Variants in ACYP2 observed in about 807,000 individuals in gnomAD.
The protein encoded by ACYP2 is acylphosphatase 2, also known as acylphosphatase-2.
A neutral mutation model predicts 11.2 loss-of-function variants in ACYP2; 12 were observed. The ratio of observed to expected loss-of-function variants is 1.08; its 90% confidence interval spans 0.69 to 1.74. ACYP2 has a LOEUF of 1.74. Ranked by LOEUF, ACYP2 falls within the 40% of genes most tolerant of loss-of-function variation. The probability of loss-of-function intolerance (pLI) is 0.00; values close to 1 mark genes in which losing one functional copy is unlikely to be tolerated. For missense variants in ACYP2, 134 were observed against 101.9 expected, an observed-to-expected ratio of 1.31 and a Z score of -1.35; for synonymous variants, 43 against 32.2, an observed-to-expected ratio of 1.33 and a Z score of -1.13.
intron 2 of ACYP2, among the ~76,000 whole-genome samples, chr2:54,033,640 C>T (rs1305467968): frequency 1.3e-5 from 2 of 152,088 alleles, no homozygotes; most frequent in African/African-American, 4.8e-5. Context: ...CAATCTGGAG[C>T]CCCTGAAAGC....
intron 2 of ACYP2, among the ~76,000 whole-genome samples, chr2:54,017,559 C>T (rs1216410072): frequency 1.3e-5 from 2 of 152,072 alleles, no homozygotes; most frequent in Non-Finnish European, 2.9e-5. Context: ...CTGGCCAGGC[C>T]ATTAAGTTTC....
intron 4 of ACYP2, among the ~76,000 whole-genome samples, chr2:54,113,122 T>A (rs555627651): frequency 6.6e-6 from 1 of 152,346 alleles, no homozygotes; most frequent in East Asian, 1.9e-4. Flanking sequence ...TTGTCCTGTA[T>A]GTTTTAAGTC....
intron 6 of ACYP2, among the ~76,000 whole-genome samples, chr2:54,175,596 C>T (rs1683425746): frequency 6.6e-6 from 1 of 151,962 alleles, no homozygotes; most frequent in African/African-American, 2.4e-5. Context: ...TTAGCTCTTG[C>T]TTCTCTAGTT....
At position 53,994,329 on chromosome 2, in the gene ACYP2, CAAAAAAAA is replaced by C. The variant is rs374302355; in HGVS notation, c.62+20535_62+20542del. Among the ~76,000 whole-genome samples, 16 of 42,870 alleles carry C rather than the reference CAAAAAAAA, an allele frequency of 3.7e-4. No homozygotes were observed. In the South Asian group the frequency reaches 0.014, roughly 38 times the overall value. 28.1% of individuals were successfully genotyped at this position (42,870 alleles called of 152,430 possible). ...TGGGTAACAGAGCAAGACTCCGTCT[CAAAAAAAA>C]AAAAAAAAAAAAAAACGAAAAAAAA... is the stretch of plus-strand genomic sequence containing the variant. On this transcript the variant is annotated intron_variant, in intron 2 of 6. Transcript: ENST00000607452.
chr2:53,986,548 G>A (rs1175338292), intron 2 of ACYP2, among the ~76,000 whole-genome samples: 1 of 151,772 alleles, frequency 6.6e-6, no homozygotes, highest in African/African-American at 2.4e-5. Flanking sequence ...TGTTGGCCAG[G>A]CTGGTCTGGA....
chr2:54,182,652 T>G (rs997284987), intron 6 of ACYP2, among the ~76,000 whole-genome samples: 1 of 152,194 alleles, frequency 6.6e-6, no homozygotes, highest in African/African-American at 2.4e-5. Context: ...ATAAAATCTG[T>G]GACCACCGTT....
intron 4 of ACYP2, among the ~76,000 whole-genome samples, chr2:54,068,446 G>A (rs1182793543): frequency 6.6e-6 from 1 of 152,158 alleles, no homozygotes; most frequent in Non-Finnish European, 1.5e-5. Context: ...AAATCAGTCT[G>A]GCTATGATAT....
intron 4 of ACYP2, among the ~76,000 whole-genome samples, chr2:54,058,412 C>A (rs1437804614): frequency 6.6e-6 from 1 of 151,664 alleles, no homozygotes; most frequent in Non-Finnish European, 1.5e-5. Flanking sequence ...TATCATTATA[C>A]ACCTATGTCT....
intron 6 of ACYP2, among the ~76,000 whole-genome samples, chr2:54,272,116 T>C (rs947485692): frequency 1.3e-5 from 2 of 152,222 alleles, no homozygotes; most frequent in African/African-American, 4.8e-5. Flanking sequence ...ATATCGACCA[T>C]CTTGCCCAAG....
chr2:54,016,717 TTCAGTG>T (rs1558473725), intron 2 of ACYP2, among the ~76,000 whole-genome samples: 1 of 145,776 alleles, frequency 6.9e-6, no homozygotes, highest in Non-Finnish European at 1.5e-5. Flanking sequence ...GGCACCTGCC[TTCAGTG>T]TCTTTTTTTT....
chr2:54,123,752 A>G (rs1680291597), intron 4 of ACYP2, among the ~76,000 whole-genome samples: 1 of 152,118 alleles, frequency 6.6e-6, no homozygotes, highest in African/African-American at 2.4e-5. Context: ...CATAATATTC[A>G]TACCATGATT....
chr2:54,126,597 C>G (rs372968023), intron 4 of ACYP2, among the ~76,000 whole-genome samples: 1 of 109,654 alleles, frequency 9.1e-6, no homozygotes, highest in Non-Finnish European at 1.8e-5. Flanking sequence ...GTCAAATTTG[C>G]AAAAAAAAAA....
intron 2 of ACYP2, among the ~76,000 whole-genome samples, chr2:54,009,808 C>A (rs1412067856): frequency 6.6e-6 from 1 of 152,150 alleles, no homozygotes; most frequent in African/African-American, 2.4e-5. Context: ...CTGGCTAACA[C>A]TTATCATGTA....
chr2:54,199,060 G>A (rs1684640942), intron 6 of ACYP2, among the ~76,000 whole-genome samples: 1 of 152,150 alleles, frequency 6.6e-6, no homozygotes, highest in African/African-American at 2.4e-5. Flanking sequence ...GGATATTATA[G>A]GGTTTCTTGG....
At chr2:54,111,092 A>G (rs1054255804) in intron 4 of ACYP2, among the ~76,000 whole-genome samples, 2 of 151,500 alleles carry the variant, frequency 1.3e-5, no homozygotes, top group Non-Finnish European at 2.9e-5. Context: ...TTCAGCAGAA[A>G]GAGGTTGGAG....
intron 6 of ACYP2, among the ~76,000 whole-genome samples, chr2:54,237,348 G>A (rs1686530502): frequency 3.0e-4 from 1 of 3,318 alleles, no homozygotes. Flanking sequence ...TAAAAATTTA[G>A]GTTTATCCAC....
intron 4 of ACYP2, among the ~76,000 whole-genome samples, chr2:54,095,438 T>C (rs1337003041): frequency 6.6e-6 from 1 of 151,474 alleles, no homozygotes; most frequent in Non-Finnish European, 1.5e-5. Context: ...GCAGAGGGGC[T>C]CCTCACTTCC....
chr2:54,158,680 G>A (rs1334129693), intron 6 of ACYP2, among the ~76,000 whole-genome samples: 1 of 152,044 alleles, frequency 6.6e-6, no homozygotes, highest in Admixed American at 6.5e-5. Flanking sequence ...TTAAACTTTG[G>A]ATTCACTTTT....
rs190783833 is a variant in ACYP2, at chr2:53,971,940, A to G, written c.-37+619A>G. On this transcript the variant is annotated intron_variant, in intron 1 of 6. Coordinates refer to ENST00000607452, the MANE Select transcript of ACYP2 (RefSeq NM_001320586.2). ...CTGAGAAGGCAATCCTAAGGAATTC[A>G]GAGCTTTATCCTAGAGACAAACTTC... Among the ~76,000 whole-genome samples, 172 of 152,382 alleles carry G rather than the reference A, an allele frequency of 1.1e-3. 1 individual carries two copies. The highest frequency in any genetic ancestry group is 4.0e-3 in the African/African-American group (165 of 41,600).
Sources: allele counts gnomAD v4.1 joint callset (sites outside exome capture counted in the v4.1 genomes callset), GRCh38; gene constraint gnomAD v4.1.1; transcripts MANE v1.5; gene names NCBI Gene and HGNC (gene_info 2026-07-23, HGNC 2026-07-21).